DIAPH3: variants seen among roughly 807,000 people sequenced by gnomAD.
DIAPH3 encodes the protein diaphanous related formin 3.
A neutral mutation model predicts 144.3 loss-of-function variants in DIAPH3; 117 were observed. The observed-to-expected ratio is 0.81, with a 90% CI of 0.70 to 0.95. The LOEUF (loss-of-function observed/expected upper bound fraction) is 0.95. Among genes scored for constraint, DIAPH3 ranks in the 40% least tolerant of loss-of-function variants. The pLI, the probability that DIAPH3 is intolerant of heterozygous loss-of-function variation, is 0.00. For missense variants in DIAPH3, 1,421 were observed against 1,412.7 expected (o/e 1.01, Z -0.09); for synonymous variants, 519 against 488.9 (o/e 1.06, Z -0.81).
intron 24 of DIAPH3, among the ~76,000 whole-genome samples, chr13:59,825,532 G>A (rs1358345083): frequency 2.0e-5 from 3 of 152,094 alleles, no homozygotes; most frequent in East Asian, 3.9e-4. Flanking sequence ...ATGATTTATA[G>A]TCCTTTGGGT....
intron 20 of DIAPH3, among the ~76,000 whole-genome samples, chr13:59,891,957 C>A (rs926439512): frequency 2.6e-5 from 4 of 151,844 alleles, no homozygotes; most frequent in Admixed American, 2.6e-4. Flanking sequence ...ATTTATTGAA[C>A]CCTTATTTAT....
intron 17 of DIAPH3, among the ~76,000 whole-genome samples, chr13:59,948,840 A>AGAAGGAAGGAAGGAAG (rs202029127): frequency 5.1e-4 from 68 of 133,572 alleles, no homozygotes; most frequent in Non-Finnish European, 8.7e-4. Context: ...ATAAAAAGAA[A>AGAAGGAAGGAAGGAAG]GAAGGAAGGA....
chr13:59,990,382 G>C (rs944652704), intron 12 of DIAPH3, among the ~76,000 whole-genome samples: 2 of 151,600 alleles, frequency 1.3e-5, no homozygotes, highest in Non-Finnish European at 3.0e-5. Context: ...AAGTAGAAAA[G>C]AAAAAAACAC....
intron 24 of DIAPH3, among the ~76,000 whole-genome samples, chr13:59,827,285 T>G (rs1265958998): frequency 1.3e-5 from 2 of 152,150 alleles, no homozygotes; most frequent in African/African-American, 4.8e-5. Context: ...CCTACTCATC[T>G]GACAAAGGGC....
At chr13:59,801,818 T>A (rs867140933) in intron 25 of DIAPH3, among the ~76,000 whole-genome samples, 56 of 152,332 alleles carry the variant, frequency 3.7e-4, no homozygotes, top group African/African-American at 1.3e-3. Context: ...TACAAAATAA[T>A]GTCTAATTTC....
rs36084898 is a variant in DIAPH3, at chr13:59,992,510, T to C, written c.1088A>G (p.Asn363Ser). ...DDLDFRLHIR[N>S]EFMRCGLKEI... ...TTTCAATCCACAACGCATAAATTCATTTCTGATGTGAAGCCTGAAATCCAA... is the reference window on the plus strand; with the variant it reads ...TTTCAATCCACAACGCATAAATTCACTTCTGATGTGAAGCCTGAAATCCAA... Residue 363 changes from asparagine (N) to serine (S), a missense_variant, in exon 10 of 28, where the codon AAT (asparagine) becomes AGT (serine). Coordinates refer to ENST00000400324, the MANE Select transcript of DIAPH3 (RefSeq NM_001042517.2). 0.059 allele frequency: 94,958 copies of C among 1,611,844 alleles called. 3,157 individuals are homozygous for C. Among genetic ancestry groups the C allele is most frequent in the Admixed American group, 0.12 (7,459 of 59,768 alleles).
chr13:60,014,968 T>TG (rs1169833453), intron 7 of DIAPH3, among the ~76,000 whole-genome samples: 26 of 141,194 alleles, frequency 1.8e-4, no homozygotes, highest in Non-Finnish European at 3.4e-4. Context: ...TTTTTCTAGT[T>TG]TTTTTGTTTT....
chr13:59,731,696 G>T (rs1034794212), intron 27 of DIAPH3, among the ~76,000 whole-genome samples: 3 of 152,132 alleles, frequency 2.0e-5, no homozygotes, highest in Admixed American at 6.6e-5. Flanking sequence ...CATATTCAAA[G>T]ATCATACGAG....
At chr13:60,015,449 A>T (rs1003940350) in intron 7 of DIAPH3, among the ~76,000 whole-genome samples, 1 of 152,192 alleles carries the variant, frequency 6.6e-6, no homozygotes, top group Admixed American at 6.5e-5. Flanking sequence ...CCTAGAATAT[A>T]AGAAATCTTC....
At chr13:59,791,293 A>G (rs1010133604) in intron 25 of DIAPH3, among the ~76,000 whole-genome samples, 4 of 152,190 alleles carry the variant, frequency 2.6e-5, no homozygotes, top group Non-Finnish European at 5.9e-5. Flanking sequence ...TTTAGGAAAC[A>G]AGAGATACAT....
chr13:59,988,411 AAC>A (rs2051574956), intron 12 of DIAPH3, among the ~76,000 whole-genome samples: 1 of 151,892 alleles, frequency 6.6e-6, no homozygotes, highest in African/African-American at 2.4e-5. Flanking sequence ...TTAAATTAAC[AAC>A]ACAAGCTATT....
At position 59,833,164 on chromosome 13, in the gene DIAPH3, C is replaced by A. The variant is rs774297605; in HGVS notation, c.2970G>T (p.Lys990Asn). ...SIIGYYAIDVKKVSVEDFLTD... is the reference protein window; with the variant it reads ...SIIGYYAIDVNKVSVEDFLTD... ...TAAGAAAGTCTTCCACAGACACCTT[C>A]TTCACATCAATGGCATAGTATCCTA... Residue 990 changes from lysine to asparagine, a missense_variant, in exon 24 of 28, where the codon AAG becomes AAT. By Grantham distance (94) the Lys-to-Asn change is moderately conservative. Coordinates refer to ENST00000400324, the MANE Select transcript of DIAPH3 (RefSeq NM_001042517.2). 6.2e-7 allele frequency: 1 copy of A among 1,610,844 alleles called. No homozygotes were observed. The highest frequency in any genetic ancestry group is 2.2e-5 in the East Asian group (1 of 44,744).
rs187482305 is a variant in DIAPH3, at chr13:60,068,573, T to C, written c.495+25055A>G. Reference sequence around the variant, plus strand: ...CTTGGATAAACTGCATATCATGGGGTTTGATGTACAGATTATTTTGCCACC... The same window carrying C: ...CTTGGATAAACTGCATATCATGGGGCTTGATGTACAGATTATTTTGCCACC... On this transcript the variant is annotated intron_variant, in intron 4 of 27. Transcript: ENST00000400324. 1.7e-3 allele frequency among the ~76,000 whole-genome samples: 259 copies of C among 152,144 alleles called. 1 individual carries two copies. The highest frequency in any genetic ancestry group is 5.7e-3 in the African/African-American group (236 of 41,496).
Position 59,779,516 on chromosome 13 carries a change from CT to C in DIAPH3, c.3164-4694del, listed in dbSNP as rs199644932. Among the ~76,000 whole-genome samples the C allele has an allele frequency of 1.6e-3, 228 of 144,508 alleles. 1 individual carries two copies. The highest frequency in any genetic ancestry group is 3.6e-3 in the Middle Eastern group (1 of 280). 94.8% of individuals were successfully genotyped at this position (144,508 alleles called of 152,430 possible). The stretch of plus-strand genomic sequence containing the variant: ...TGTTACAAATGAAGGAAGTCTTTTT[CT>C]TTTTTTTTTTTTGAGATGGAGTCTT... On this transcript the variant is annotated intron_variant, in intron 25 of 27. Coordinates refer to ENST00000400324, the MANE Select transcript of DIAPH3 (RefSeq NM_001042517.2).
intron 9 of DIAPH3, among the ~76,000 whole-genome samples, chr13:59,992,954 A>G (rs1436062416): frequency 6.6e-6 from 1 of 151,866 alleles, no homozygotes; most frequent in African/African-American, 2.4e-5. Context: ...CCTATTGGAT[A>G]GATAACACTT....
intron 17 of DIAPH3, among the ~76,000 whole-genome samples, chr13:59,968,043 G>T (rs879746529): frequency 6.6e-5 from 10 of 152,170 alleles, no homozygotes; most frequent in Non-Finnish European, 1.3e-4. Flanking sequence ...GAAATATGGA[G>T]TATGCAAAAA....
intron 4 of DIAPH3, among the ~76,000 whole-genome samples, chr13:60,058,553 C>T (rs1594539444): frequency 6.6e-6 from 1 of 151,718 alleles, no homozygotes; most frequent in African/African-American, 2.4e-5. Context: ...ATCAGAAAGA[C>T]ACCTGGACAC....
At chr13:60,137,218 A>G (rs2059307689) in intron 1 of DIAPH3, among the ~76,000 whole-genome samples, 1 of 152,224 alleles carries the variant, frequency 6.6e-6, no homozygotes, top group African/African-American at 2.4e-5. Flanking sequence ...AAGCCTTTAT[A>G]GATTTTTCTT....
intron 17 of DIAPH3, among the ~76,000 whole-genome samples, chr13:59,941,577 C>T (rs966275870): frequency 6.6e-6 from 1 of 152,140 alleles, no homozygotes; most frequent in Non-Finnish European, 1.5e-5. Context: ...ATGGGGCAAG[C>T]GCTAGAGACA....
Sources: gnomAD v4.1 joint callset for allele counts (sites outside exome capture counted in the v4.1 genomes callset) on GRCh38, gnomAD v4.1.1 for gene constraint, MANE v1.5 for transcripts, NCBI Gene and HGNC (gene_info 2026-07-23, HGNC 2026-07-21) for gene names.